RIPOR2: variants seen among roughly 807,000 people sequenced by gnomAD.
RIPOR2 encodes rho family-interacting cell polarization regulator 2.
A neutral mutation model predicts 114.5 loss-of-function variants in RIPOR2; 39 were observed. The observed-to-expected ratio is 0.34, with a 90% CI of 0.26 to 0.44. RIPOR2 has a LOEUF of 0.44. RIPOR2 is among the 20% of genes least tolerant of loss of function. The probability of loss-of-function intolerance (pLI) is 1.00; values close to 1 mark genes in which losing one functional copy is unlikely to be tolerated. For missense variants in RIPOR2, 1,007 were observed against 1,255.1 expected, an observed-to-expected ratio of 0.80 and a Z score of 2.99; for synonymous variants, 445 against 484.4, an observed-to-expected ratio of 0.92 and a Z score of 1.07.
chr6:25,031,751 A>ATTCT (rs1385772927), intron 1 of RIPOR2, among the ~76,000 whole-genome samples: 12 of 97,454 alleles, frequency 1.2e-4, no homozygotes, highest in East Asian at 3.3e-4. Flanking sequence ...ATATATATAT[A>ATTCT]AAATATCCAT....
intron 1 of RIPOR2, among the ~76,000 whole-genome samples, chr6:24,956,375 GT>G (rs1773044419): frequency 6.6e-6 from 1 of 152,120 alleles, no homozygotes; most frequent in African/African-American, 2.4e-5. Context: ...TTTAAAAGCA[GT>G]GTATGCTTAT....
chr6:24,809,885 G>A, intron 20 of RIPOR2, 78 bp from the exon 21 acceptor site: 1 of 960,118 alleles, frequency 1.0e-6, no homozygotes, highest in Admixed American at 2.0e-5. Flanking sequence ...TTCACAACTG[G>A]TGGGAACTTT....
intron 1 of RIPOR2, among the ~76,000 whole-genome samples, chr6:25,011,253 A>G (rs1775765927): frequency 6.6e-6 from 1 of 152,216 alleles, no homozygotes; most frequent in Non-Finnish European, 1.5e-5. Flanking sequence ...ATGTCCACAT[A>G]TGTATATGTA....
chr6:24,952,976 C>T (rs949818331), intron 1 of RIPOR2, among the ~76,000 whole-genome samples: 1 of 152,116 alleles, frequency 6.6e-6, no homozygotes, highest in Admixed American at 6.6e-5. Flanking sequence ...TGTGTCTCCC[C>T]GAATTTCATA....
chr6:24,808,023 A>T (rs947091393), intron 21 of RIPOR2, among the ~76,000 whole-genome samples: 3 of 152,338 alleles, frequency 2.0e-5, no homozygotes, highest in Non-Finnish European at 2.9e-5. Context: ...AAAAATCCTT[A>T]AAAAATCCTG....
intron 17 of RIPOR2, among the ~76,000 whole-genome samples, chr6:24,828,830 G>A (rs1760424240): frequency 1.3e-5 from 2 of 152,082 alleles, no homozygotes; most frequent in African/African-American, 2.4e-5. Context: ...GAGAAAGAAA[G>A]GGAAGGGCAC....
intron 4 of RIPOR2, among the ~76,000 whole-genome samples, chr6:24,872,465 C>T (rs373755914): frequency 4.6e-5 from 7 of 152,282 alleles, no homozygotes; most frequent in African/African-American, 9.6e-5. Flanking sequence ...GCGTTCCTCC[C>T]GCCTTGGCTT....
intron 1 of RIPOR2, among the ~76,000 whole-genome samples, chr6:24,928,129 A>T (rs775232110): frequency 1.3e-5 from 2 of 152,208 alleles, no homozygotes; most frequent in Non-Finnish European, 2.9e-5. Flanking sequence ...CAGTTTTTAG[A>T]GATGCTTGTG....
chr6:24,851,279 C>T (rs1425542432), intron 9 of RIPOR2, among the ~76,000 whole-genome samples: 1 of 152,156 alleles, frequency 6.6e-6, no homozygotes, highest in East Asian at 1.9e-4. Flanking sequence ...TTGCACTGTG[C>T]CCTTCTGCTC....
intron 7 of RIPOR2, among the ~76,000 whole-genome samples, chr6:24,863,744 C>CAT (rs1764313612): frequency 6.6e-6 from 1 of 152,180 alleles, no homozygotes; most frequent in African/African-American, 2.4e-5. Context: ...ATAGAAATCA[C>CAT]ATATATGTTC....
intron 1 of RIPOR2, among the ~76,000 whole-genome samples, chr6:24,897,710 C>T (rs538257092): frequency 5.3e-5 from 8 of 152,202 alleles, no homozygotes; most frequent in Non-Finnish European, 8.8e-5. Flanking sequence ...TACCAGAGGG[C>T]CTTAAGTTAC....
intron 1 of RIPOR2, among the ~76,000 whole-genome samples, chr6:24,904,360 T>C (rs1268095768): frequency 6.6e-6 from 1 of 152,188 alleles, no homozygotes; most frequent in Non-Finnish European, 1.5e-5. Context: ...TCCTCCATCT[T>C]CAAAGTCAGC....
chr6:24,948,528 T>C (rs1490624713), intron 1 of RIPOR2, among the ~76,000 whole-genome samples: 1 of 102,736 alleles, frequency 9.7e-6, no homozygotes, highest in Non-Finnish European at 2.4e-5. Flanking sequence ...TTTCTTTCTT[T>C]CTTTCTTTTT....
rs142899820 is a variant in RIPOR2, at chr6:24,830,453, C to T, written c.2506+56G>A. 2.1e-3 allele frequency: 3,021 copies of T among 1,471,630 alleles called. 18 individuals carry two copies. Among genetic ancestry groups the T allele is most frequent in the Middle Eastern group, 0.014 (58 of 4,190 alleles). The allele number at this position is 1,471,630 out of a possible 1,614,324, so 91.2% of individuals were successfully genotyped here. On this transcript the variant is annotated intron_variant, in intron 17 of 21. Transcript: ENST00000643898. Reference sequence around the variant, plus strand: ...GACCCCTCTCCCCCGACCCCCACCCCAATGCCCACTCTCACACTGAAGGAC... The same window carrying T: ...GACCCCTCTCCCCCGACCCCCACCCTAATGCCCACTCTCACACTGAAGGAC...
intron 12 of RIPOR2, among the ~76,000 whole-genome samples, chr6:24,847,279 C>T (rs1451504392): frequency 1.3e-5 from 2 of 152,148 alleles, no homozygotes; most frequent in Non-Finnish European, 2.9e-5. Context: ...AAGGCTTAAA[C>T]TTGTTTAAAA....
At chr6:24,900,577 G>T (rs1172367234) in intron 1 of RIPOR2, among the ~76,000 whole-genome samples, 1 of 152,002 alleles carries the variant, frequency 6.6e-6, no homozygotes, top group African/African-American at 2.4e-5. Flanking sequence ...GGCCAACATG[G>T]TGAAACCCCA....
chr6:24,838,122 T>C (rs542027951), intron 14 of RIPOR2, among the ~76,000 whole-genome samples: 82 of 152,324 alleles, frequency 5.4e-4, no homozygotes, highest in Admixed American at 8.5e-4. Flanking sequence ...CACCGGACGG[T>C]GAAGGTGACA....
At chr6:24,986,822 G>C (rs1282171564) in intron 1 of RIPOR2, among the ~76,000 whole-genome samples, 1 of 152,022 alleles carries the variant, frequency 6.6e-6, no homozygotes, top group Non-Finnish European at 1.5e-5. Flanking sequence ...TAGAGCAGGG[G>C]TGTCCAATCT....
intron 12 of RIPOR2, among the ~76,000 whole-genome samples, chr6:24,847,242 C>A (rs1392545095): frequency 6.6e-6 from 1 of 152,232 alleles, no homozygotes; most frequent in Non-Finnish European, 1.5e-5. Context: ...CGTGAGCCAC[C>A]ATGCTGGGCC....
Sources: gnomAD v4.1 joint callset for allele counts (sites outside exome capture counted in the v4.1 genomes callset) on GRCh38, gnomAD v4.1.1 for gene constraint, MANE v1.5 for transcripts, NCBI Gene and HGNC (gene_info 2026-07-23, HGNC 2026-07-21) for gene names.